Variants in MACC1 observed in about 807,000 individuals in gnomAD.
MACC1 encodes MET transcriptional regulator MACC1.
In MACC1, 79 loss-of-function variants were observed where a neutral mutation model predicts 70.7. That is an observed-to-expected ratio of 1.12 (90% CI 0.93 to 1.35). The LOEUF is 1.35. MACC1 is among the 40% of genes most tolerant of loss of function. The pLI is 0.00. For synonymous variants in MACC1, 361 were observed against 347.2 expected (o/e 1.04, Z -0.44); for missense variants, 1,106 against 978.1 (o/e 1.13, Z -1.74).
At chr7:20,173,898 C>T (rs543653960) in intron 1 of MACC1, among the ~76,000 whole-genome samples, 43 of 152,236 alleles carry the variant, frequency 2.8e-4, no homozygotes, top group Admixed American at 7.2e-4. Flanking sequence ...GGAGCAGTTG[C>T]GTCACATGAG....
In MACC1 at chr7:20,159,572, A is replaced by T; in HGVS notation, c.789T>A (p.His263Gln). Reference protein sequence around the residue: ...AFLDPPHMLNHDLSCTVSPLL... With the variant: ...AFLDPPHMLNQDLSCTVSPLL... ...ACGGGCTCACAGTGCACGAAAGATC[A>T]TGGTTAAGCATGTGTGGCGGATCAA... The change falls in exon 5 of 7, where the codon CAT becomes CAA. Residue 263 changes from histidine (H) to glutamine (Q), a missense_variant. Coordinates refer to ENST00000400331, the MANE Select transcript of MACC1 (RefSeq NM_182762.4). The T allele has an allele frequency of 6.2e-7, 1 of 1,614,144 alleles. No individual in the cohort carries two copies. The highest frequency in any genetic ancestry group is 8.5e-7 in the Non-Finnish European group (1 of 1,180,024).
chr7:20,207,991 T>A (rs1369213507), intron 1 of MACC1, among the ~76,000 whole-genome samples: 2 of 152,086 alleles, frequency 1.3e-5, no homozygotes, highest in Admixed American at 1.3e-4. Context: ...TGACAGTGAG[T>A]GACTTCTCAT....
intron 1 of MACC1, among the ~76,000 whole-genome samples, chr7:20,208,469 G>T (rs1231094785): frequency 6.6e-6 from 1 of 152,186 alleles, no homozygotes; most frequent in Non-Finnish European, 1.5e-5. Flanking sequence ...TAGAGTAAAG[G>T]TCACTCCTGG....
rs1782093156 is a variant in MACC1, at chr7:20,158,760, G to T, written c.1601C>A (p.Pro534Gln). The T allele has an allele frequency of 3.7e-6, 6 of 1,613,910 alleles. No homozygotes were observed. Among genetic ancestry groups the T allele is most frequent in the Non-Finnish European group, 5.1e-6 (6 of 1,179,982 alleles). The change falls in exon 5 of 7, where the codon CCA becomes CAA. Residue 534 changes from proline to glutamine, a missense_variant. Pro to Gln is a moderately conservative substitution (Grantham distance 76). Transcript: ENST00000400331. ...KEEIKSAPLS[P>Q]KILVKYPTFQ... ...TGTAGGATATTTAACAAGAATTTTT[G>T]GTGATAAAGGAGCAGACTTGATTTC...
Position 20,160,257 on chromosome 7 carries a change from A to G in MACC1, c.116-12T>C, listed in dbSNP as rs767427308. 6.5e-7 allele frequency: 1 copy of G among 1,529,894 alleles called. No homozygotes were observed. 94.8% of individuals were successfully genotyped at this position (1,529,894 alleles called of 1,614,324 possible). A position where few individuals can be genotyped will look rare whatever the true frequency, so the allele number is the denominator to read the frequency against. ...TGGGTCCTGGCATTCTTGTTATTTA[A>G]GGAAAGACAAAGCAAAACAAAGATA... is the stretch of plus-strand genomic sequence containing the variant. On this transcript the variant is annotated splice_polypyrimidine_tract_variant and intron_variant, in intron 4 of 6. Coordinates refer to ENST00000400331, the MANE Select transcript of MACC1 (RefSeq NM_182762.4).
At chr7:20,148,245 C>T (rs1235758751) in intron 6 of MACC1, among the ~76,000 whole-genome samples, 1 of 152,198 alleles carries the variant, frequency 6.6e-6, no homozygotes, top group Admixed American at 6.5e-5. Flanking sequence ...TTTTGGCACA[C>T]ACCAAGTGCT....
At chr7:20,178,261 TCACA>T (rs71020623) in intron 1 of MACC1, among the ~76,000 whole-genome samples, 4,772 of 98,794 alleles carry the variant, frequency 0.048, 98 homozygotes, top group East Asian at 0.2. Context: ...TAATCTTATT[TCACA>T]CACACACACA....
chr7:20,208,666 T>A (rs1321273293), intron 1 of MACC1, among the ~76,000 whole-genome samples: 1 of 152,180 alleles, frequency 6.6e-6, no homozygotes, highest in East Asian at 1.9e-4. Flanking sequence ...AAAGAAAAAC[T>A]CATTTTCTGG....
Position 20,154,314 on chromosome 7 carries a change from G to T in MACC1, c.2225C>A (p.Ser742Ter). The T allele has an allele frequency of 1.9e-6, 3 of 1,613,968 alleles. 1 individual carries two copies. In the East Asian group the frequency reaches 6.7e-5, roughly 36 times the overall value. The part of the protein sequence containing the change: ...RLIQEAAVLT[S>*]AVKLGKGWRE... ...CCAGCCTTTTCCAAGCTTGACAGCT[G>T]AAGTCAGAACAGCAGCTTCTTGGAT... The change falls in exon 6 of 7, where the codon TCA becomes TAA. Residue 742 changes from serine to a stop codon, truncating the protein, a stop_gained. Transcript: ENST00000400331. LOFTEE classifies it high-confidence loss of function.
intron 1 of MACC1, among the ~76,000 whole-genome samples, chr7:20,198,828 T>C (rs891490530): frequency 1.3e-5 from 2 of 152,228 alleles, no homozygotes; most frequent in Admixed American, 6.5e-5. Context: ...GACTAAAAAA[T>C]AATAATAGTA....
At chr7:20,160,480 A>C (rs1782125865) in intron 4 of MACC1, among the ~76,000 whole-genome samples, 1 of 152,178 alleles carries the variant, frequency 6.6e-6, no homozygotes, top group South Asian at 2.1e-4. Flanking sequence ...ATGTTATTTT[A>C]AGACATCATG....
chr7:20,199,354 G>C (rs1276386281), intron 1 of MACC1, among the ~76,000 whole-genome samples: 1 of 152,228 alleles, frequency 6.6e-6, no homozygotes, highest in Non-Finnish European at 1.5e-5. Flanking sequence ...AGTAAGCATT[G>C]TCCTAGCCAA....
rs531089731 is a variant in MACC1 at position 20,134,839 on chromosome 7, C to T, written c.*6107G>A. ...AGGAAGCCATAGATTCTTCCAATCA[C>T]CCAAAGAAAAACAATTAACAAGGAA... is the stretch of plus-strand genomic sequence containing the variant. On this transcript the variant is annotated 3_prime_UTR_variant, in exon 7 of 7. Transcript: ENST00000400331. The T allele has an allele frequency of 6.6e-6, 1 of 152,230 alleles. No individual in the cohort carries two copies. The highest frequency in any genetic ancestry group is 2.4e-5 in the African/African-American group (1 of 41,526). 9.4% of individuals were successfully genotyped at this position (152,230 alleles called of 1,614,324 possible).
At chr7:20,193,430 C>G (rs1782701391) in intron 1 of MACC1, among the ~76,000 whole-genome samples, 1 of 152,100 alleles carries the variant, frequency 6.6e-6, no homozygotes, top group Non-Finnish European at 1.5e-5. Flanking sequence ...ACAGATAAAA[C>G]TTGGAAGGAA....
At chr7:20,210,659 G>T (rs536010499) in intron 1 of MACC1, among the ~76,000 whole-genome samples, 5 of 151,922 alleles carry the variant, frequency 3.3e-5, no homozygotes, top group African/African-American at 1.2e-4. Flanking sequence ...TTCATATTTT[G>T]CCCCCATTTC....
chr7:20,208,110 GC>G (rs1782939646), intron 1 of MACC1, among the ~76,000 whole-genome samples: 1 of 152,108 alleles, frequency 6.6e-6, no homozygotes, highest in South Asian at 2.1e-4. Flanking sequence ...GCTTCCTGAG[GC>G]CTCCCCAGCA....
rs1782100082 is a variant in MACC1, at chr7:20,159,044, G to A, written c.1317C>T (p.Ser439=). The A allele has an allele frequency of 1.2e-6, 2 of 1,613,258 alleles. No individual in the cohort carries two copies. The highest frequency in any genetic ancestry group is 2.2e-5 in the South Asian group (2 of 90,914). The part of the protein sequence containing the change: ...KPQDLSISIF[S]CDPDFEVKTE... ...TCTTTACTTCAAAATCAGGATCACA[G>A]GAAAAAATAGAAATACTTAAATCTT... The change falls in exon 5 of 7, where the codon TCC becomes TCT. Residue 439 remains serine (S), a synonymous_variant. Transcript: ENST00000400331.
chr7:20,142,712 C>T (rs1052909546), intron 6 of MACC1, among the ~76,000 whole-genome samples: 1 of 152,144 alleles, frequency 6.6e-6, no homozygotes, highest in Admixed American at 6.5e-5. Flanking sequence ...TCTTGGTTGT[C>T]GCTGCTCAGT....
At chr7:20,202,255 A>G (rs1450513209) in intron 1 of MACC1, among the ~76,000 whole-genome samples, 1 of 152,224 alleles carries the variant, frequency 6.6e-6, no homozygotes, top group African/African-American at 2.4e-5. Context: ...TGGTTAAATC[A>G]ACTTCTGTAA....
Sources: gnomAD v4.1 joint callset for allele counts (sites outside exome capture counted in the v4.1 genomes callset) on GRCh38, gnomAD v4.1.1 for gene constraint, MANE v1.5 for transcripts, NCBI Gene and HGNC (gene_info 2026-07-23, HGNC 2026-07-21) for gene names.